The following RAB2A variants were observed in gnomAD, a reference collection of about 807,000 sequenced individuals.
RAB2A encodes ras-related protein Rab-2A.
RAB2A carries 7 observed loss-of-function variants against 32.5 expected under a neutral mutation model. The observed-to-expected ratio is 0.22, with a 90% CI of 0.12 to 0.40. RAB2A has a LOEUF of 0.40. Among genes scored for constraint, RAB2A ranks in the 10% least tolerant of loss-of-function variants. The probability of loss-of-function intolerance (pLI) is 1.00; values close to 1 mark genes in which losing one functional copy is unlikely to be tolerated. For missense variants in RAB2A, 108 were observed against 260.7 expected, an observed-to-expected ratio of 0.41 and a Z score of 4.03; for synonymous variants, 79 against 85.2, an observed-to-expected ratio of 0.93 and a Z score of 0.40.
At chr8:60,575,910 C>A (rs1803609513) in intron 3 of RAB2A, among the ~76,000 whole-genome samples, 2 of 152,162 alleles carry the variant, frequency 1.3e-5, no homozygotes, top group African/African-American at 4.8e-5. Context: ...ACGCCTCAGC[C>A]TCCCAAAGTG....
At chr8:60,564,909 A>G (rs1380593525) in intron 2 of RAB2A, among the ~76,000 whole-genome samples, 2 of 152,246 alleles carry the variant, frequency 1.3e-5, no homozygotes, top group Non-Finnish European at 2.9e-5. Context: ...GGAAAACTTC[A>G]TAAAGCTGTA....
intron 1 of RAB2A, among the ~76,000 whole-genome samples, chr8:60,540,026 AT>A (rs1339411880): frequency 6.6e-6 from 1 of 151,792 alleles, no homozygotes; most frequent in African/African-American, 2.4e-5. Context: ...TTTGAACTCT[AT>A]TTTGTAGACA....
intron 1 of RAB2A, among the ~76,000 whole-genome samples, chr8:60,542,256 C>G (rs1347466043): frequency 6.6e-6 from 1 of 152,166 alleles, no homozygotes; most frequent in Non-Finnish European, 1.5e-5. Flanking sequence ...TGGCTCATGC[C>G]TGTAATCCCA....
At chr8:60,581,292 C>T (rs1017163827) in intron 3 of RAB2A, among the ~76,000 whole-genome samples, 3 of 152,168 alleles carry the variant, frequency 2.0e-5, no homozygotes, top group African/African-American at 4.8e-5. Context: ...AAATCAGAAA[C>T]ACTTCTGGTT....
chr8:60,553,337 G>T (rs184230183), intron 1 of RAB2A, among the ~76,000 whole-genome samples: 1 of 152,134 alleles, frequency 6.6e-6, no homozygotes. Flanking sequence ...AGCCCCTGTC[G>T]CACTTAAAGT....
chr8:60,582,905 C>T (rs1315422189), intron 3 of RAB2A, among the ~76,000 whole-genome samples: 1 of 152,192 alleles, frequency 6.6e-6, no homozygotes, highest in Non-Finnish European at 1.5e-5. Context: ...GTCATGGCCT[C>T]CCAAAGTGCT....
intron 1 of RAB2A, among the ~76,000 whole-genome samples, chr8:60,543,357 GTACTCTCTATCCC>G (rs1563463860): frequency 9.5e-6 from 1 of 105,352 alleles, no homozygotes; most frequent in African/African-American, 4.4e-5. Flanking sequence ...CAGCAGAACT[GTACTCTCTATCCC>G]TGTCTTCATT....
chr8:60,602,931 G>C (rs1045903772), intron 6 of RAB2A, among the ~76,000 whole-genome samples: 1 of 152,174 alleles, frequency 6.6e-6, no homozygotes, highest in Non-Finnish European at 1.5e-5. Context: ...GAAACTGACC[G>C]TGGGCTCAGA....
intron 6 of RAB2A, among the ~76,000 whole-genome samples, chr8:60,610,771 A>T (rs910996465): frequency 2.6e-5 from 4 of 152,206 alleles, no homozygotes; most frequent in African/African-American, 9.7e-5. Flanking sequence ...GTGGCTAAAC[A>T]TTACCCAAGA....
chr8:60,604,370 G>C (rs1376765844), intron 6 of RAB2A, among the ~76,000 whole-genome samples: 2 of 152,118 alleles, frequency 1.3e-5, no homozygotes, highest in Non-Finnish European at 2.9e-5. Flanking sequence ...CAGAAAATTG[G>C]TACTGAGGAG....
Position 60,605,230 on chromosome 8 carries a change from G to A in RAB2A, c.474+13261G>A, listed in dbSNP as rs1804206172. Among the ~76,000 whole-genome samples, 3 of 152,338 alleles carry A rather than the reference G, an allele frequency of 2.0e-5. No homozygotes were observed. In the South Asian group the frequency reaches 6.2e-4, roughly 32 times the overall value. Reference sequence around the variant, plus strand: ...TCCATGTGGTGGTAAGCCTGTGGGTGCACAGAGTCCAAGAGTTGAGGCTTG... The same window carrying A: ...TCCATGTGGTGGTAAGCCTGTGGGTACACAGAGTCCAAGAGTTGAGGCTTG... On this transcript the variant is annotated intron_variant, in intron 6 of 7. Coordinates refer to ENST00000262646, the MANE Select transcript of RAB2A (RefSeq NM_002865.3).
chr8:60,585,163 C>G (rs1803827571), intron 5 of RAB2A, among the ~76,000 whole-genome samples: 2 of 152,120 alleles, frequency 1.3e-5, no homozygotes, highest in African/African-American at 4.8e-5. Context: ...TATGGGAAAA[C>G]CTTCTTGCTT....
chr8:60,618,637 A>G lies in RAB2A; in HGVS notation c.532A>G (p.Ile178Val), dbSNP rs1488451844. Residue 178 changes from isoleucine (I) to valine (V), a missense_variant, in exon 7 of 8, where the codon ATT (isoleucine) becomes GTT (valine). This residue lies in a region of RAB2A where 79 missense variants were observed against 199.8 expected (regional missense o/e 0.40). Coordinates refer to ENST00000262646, the MANE Select transcript of RAB2A (RefSeq NM_002865.3). ...AAAAATTCAAGAAGGAGTCTTTGAC[A>G]TTAATAATGAGGTATATACATATAA... is the stretch of plus-strand genomic sequence containing the variant. The part of the protein sequence containing the change: ...YEKIQEGVFD[I>V]NNEANGIKIG... The G allele has an allele frequency of 5.2e-6, 6 of 1,164,396 alleles. No homozygotes were observed. The highest frequency in any genetic ancestry group is 3.2e-5 in the African/African-American group (2 of 62,008). 72.1% of individuals were successfully genotyped at this position (1,164,396 alleles called of 1,614,324 possible).
At chr8:60,545,350 G>A (rs1807711501) in intron 1 of RAB2A, among the ~76,000 whole-genome samples, 1 of 151,998 alleles carries the variant, frequency 6.6e-6, no homozygotes, top group Non-Finnish European at 1.5e-5. Context: ...TGTCACCCAG[G>A]CTGTAGTGCA....
At chr8:60,526,644 GCC>G (rs1807394122) in intron 1 of RAB2A, among the ~76,000 whole-genome samples, 1 of 152,024 alleles carries the variant, frequency 6.6e-6, no homozygotes. Flanking sequence ...TACCATAAAG[GCC>G]TGCATTAGTC....
intron 6 of RAB2A, among the ~76,000 whole-genome samples, chr8:60,598,237 C>T (rs955857552): frequency 6.6e-6 from 1 of 152,096 alleles, no homozygotes; most frequent in African/African-American, 2.4e-5. Flanking sequence ...TAAACTACAA[C>T]GGAAATTGAA....
intron 6 of RAB2A, among the ~76,000 whole-genome samples, chr8:60,604,710 G>A (rs943871120): frequency 5.3e-5 from 8 of 152,284 alleles, no homozygotes; most frequent in South Asian, 2.1e-4. Flanking sequence ...GATATCTGGC[G>A]GAAAAATTAT....
rs550944331 is a variant in RAB2A, at chr8:60,606,022, G to A, written c.475-12558G>A. ...AAATTAGCCGGGCGTGGTGGCTTGCGCCTGTAGTCCCAGCTACTCAGGAGG... is the reference window on the plus strand; with the variant it reads ...AAATTAGCCGGGCGTGGTGGCTTGCACCTGTAGTCCCAGCTACTCAGGAGG... On this transcript the variant is annotated intron_variant, in intron 6 of 7. Transcript: ENST00000262646. Among the ~76,000 whole-genome samples the A allele has an allele frequency of 1.8e-4, 27 of 152,028 alleles. 2 individuals carry two copies. In the South Asian group the frequency reaches 4.2e-3, roughly 23 times the overall value.
At chr8:60,591,994 T>A in intron 6 of RAB2A, 25 bp downstream of exon 6, 1 of 1,332,558 alleles carries the variant, frequency 7.5e-7, no homozygotes, top group African/African-American at 1.5e-5. Context: ...CTTTAAAATC[T>A]TCATCTTTAT....
Sources: gnomAD v4.1 joint callset for allele counts (sites outside exome capture counted in the v4.1 genomes callset) on GRCh38, gnomAD v4.1.1 for gene constraint, gnomAD v4.1.1 regional missense constraint, MANE v1.5 for transcripts, NCBI Gene and HGNC (gene_info 2026-07-23, HGNC 2026-07-21) for gene names.